Variants in ZNF337 observed in about 807,000 individuals in gnomAD.
The protein encoded by ZNF337 is zinc finger protein 337.
A neutral mutation model predicts 12.1 loss-of-function variants in ZNF337; 8 were observed. That is an observed-to-expected ratio of 0.66 (90% CI 0.39 to 1.19). The LOEUF is 1.19. ZNF337 is among the 50% of genes most tolerant of loss of function. The probability of loss-of-function intolerance (pLI) is 0.01; values close to 1 mark genes in which losing one functional copy is unlikely to be tolerated. For synonymous variants in ZNF337, 336 were observed against 320.0 expected, an observed-to-expected ratio of 1.05 and a Z score of -0.53; for missense variants, 882 against 896.6, an observed-to-expected ratio of 0.98 and a Z score of 0.21.
At chr20:25,695,452 T>C (rs1162834741) in intron 1 of ZNF337, among the ~76,000 whole-genome samples, 1 of 152,242 alleles carries the variant, frequency 6.6e-6, no homozygotes, top group Non-Finnish European at 1.5e-5. Flanking sequence ...CTCAACCAAC[T>C]GTCCACTAAA....
chr20:25,688,547 C>T (rs2065854501), intron 1 of ZNF337, among the ~76,000 whole-genome samples: 1 of 152,182 alleles, frequency 6.6e-6, no homozygotes. Context: ...TGATTGCAGC[C>T]AGGCTGTCAC....
rs1396255176 is a variant in ZNF337, at chr20:25,675,121, T to C, written c.2167A>G (p.Ser723Gly). 1 of 1,614,082 alleles carries C rather than the reference T, an allele frequency of 6.2e-7. No individual in the cohort carries two copies. The highest frequency in any genetic ancestry group is 1.3e-5 in the African/African-American group (1 of 74,916). The part of the protein sequence containing the change: ...YECQECGRKF[S>G]NKSYYSKHLK... ...TGCTTACTGTAGTATGACTTATTGC[T>C]AAACTTTCGTCCACACTCTTGGCAT... The change falls in exon 5 of 5, where the codon AGC (serine) becomes GGC (glycine). Residue 723 changes from serine (S) to glycine (G), a missense_variant. Ser to Gly is a moderately conservative substitution (Grantham distance 56, BLOSUM62 0). Coordinates refer to ENST00000252979, the MANE Select transcript of ZNF337 (RefSeq NM_015655.4).
chr20:25,686,675 G>C, intron 1 of ZNF337: 1 of 553,902 alleles, frequency 1.8e-6, no homozygotes, highest in Admixed American at 3.4e-5. Context: ...CCAGGAGCTG[G>C]GTGACGTTTG....
chr20:25,695,708 A>AT (rs1385231456), intron 1 of ZNF337, among the ~76,000 whole-genome samples: 1 of 151,854 alleles, frequency 6.6e-6, no homozygotes, highest in African/African-American at 2.4e-5. Flanking sequence ...CGCCCCGCTA[A>AT]TTTTTTTATT....
intron 4 of ZNF337, 124 bp from the exon 5 acceptor site, chr20:25,677,161 T>C (rs755071094): frequency 1.9e-4 from 160 of 853,668 alleles, no homozygotes; most frequent in Non-Finnish European, 2.5e-4. Flanking sequence ...CAAACACCAA[T>C]TCTTCTCAAA....
At chr20:25,677,068 C>A in intron 4 of ZNF337, 31 bp from the exon 5 acceptor site, 1 of 1,510,634 alleles carries the variant, frequency 6.6e-7, no homozygotes, top group South Asian at 1.3e-5. Context: ...GAGACTGAAT[C>A]AGTAACGAAA....
chr20:25,677,114 CT>C, intron 4 of ZNF337, 77 bp from the exon 5 acceptor site: 1 of 1,154,750 alleles, frequency 8.7e-7, no homozygotes, highest in Non-Finnish European at 1.2e-6. Context: ...AACCATATTG[CT>C]TTACTGCTTA....
At chr20:25,682,090 G>T (rs1465175792) in intron 4 of ZNF337, among the ~76,000 whole-genome samples, 1 of 152,064 alleles carries the variant, frequency 6.6e-6, no homozygotes, top group Non-Finnish European at 1.5e-5. Flanking sequence ...AATGCTGGAG[G>T]AAAGGAAGTA....
At chr20:25,687,432 C>T (rs6050788) in intron 1 of ZNF337, among the ~76,000 whole-genome samples, 25,933 of 151,706 alleles carry the variant, frequency 0.17, 4,859 homozygotes, top group African/African-American at 0.47. Flanking sequence ...AATGTTTTGA[C>T]TAAAAAAATA....
Position 25,676,384 on chromosome 20 carries a change from T to TA in ZNF337, c.903dup (p.Asn302Ter), listed in dbSNP as rs2065690522. ...TGCTTGTTGTATGAGGACTTATCGT[T>TA]AAACCTTCGCCCACACTCCTGGCAT... On this transcript the variant is annotated frameshift_variant, in exon 5 of 5. Transcript: ENST00000252979. LOFTEE classifies it low-confidence loss of function (END_TRUNC). 6.2e-7 allele frequency: 1 copy of TA among 1,614,048 alleles called. No individual in the cohort carries two copies. The highest frequency in any genetic ancestry group is 1.3e-5 in the African/African-American group (1 of 74,994).
chr20:25,687,192 T>G (rs2122438707), intron 1 of ZNF337, among the ~76,000 whole-genome samples: 1 of 152,298 alleles, frequency 6.6e-6, no homozygotes, highest in African/African-American at 2.4e-5. Flanking sequence ...CATTCATGAG[T>G]GAAAATGATG....
intron 1 of ZNF337, among the ~76,000 whole-genome samples, chr20:25,689,400 A>G (rs575192879): frequency 1.3e-5 from 2 of 152,320 alleles, no homozygotes; most frequent in South Asian, 4.1e-4. Flanking sequence ...GCTAGAATAT[A>G]TCATCCTTTT....
chr20:25,673,356 C>T lies in ZNF337; in HGVS notation c.*1676G>A, dbSNP rs1163367119. ...GATAGGCATATTGCATGTATCTTCC[C>T]TGTGCTGGACAAGGGTTGTGTGCAG... On this transcript the variant is annotated 3_prime_UTR_variant, in exon 5 of 5. Coordinates refer to ENST00000252979, the MANE Select transcript of ZNF337 (RefSeq NM_015655.4). Among the ~76,000 whole-genome samples the T allele has an allele frequency of 6.6e-6, 1 of 152,176 alleles. No individual in the cohort carries two copies. The highest frequency in any genetic ancestry group is 2.4e-5 in the African/African-American group (1 of 41,432).
chr20:25,690,005 G>C (rs1242735600), intron 1 of ZNF337, among the ~76,000 whole-genome samples: 1 of 152,220 alleles, frequency 6.6e-6, no homozygotes, highest in Non-Finnish European at 1.5e-5. Flanking sequence ...AAGGCAGCTG[G>C]CTGGGCACAG....
At chr20:25,689,218 G>C (rs1179215424) in intron 1 of ZNF337, among the ~76,000 whole-genome samples, 1 of 152,022 alleles carries the variant, frequency 6.6e-6, no homozygotes. Flanking sequence ...GCAGGAGAAT[G>C]GTGTGAACGT....
intron 3 of ZNF337, 141 bp downstream of exon 3, chr20:25,685,855 G>C: frequency 3.0e-6 from 4 of 1,340,456 alleles, no homozygotes; most frequent in Non-Finnish European, 4.1e-6. Flanking sequence ...GTGCCCAGTG[G>C]CAGTCAGTAT....
At position 25,673,325 on chromosome 20, in the gene ZNF337, C is replaced by T. The variant is rs1252629914; in HGVS notation, c.*1707G>A. 6.6e-6 allele frequency among the ~76,000 whole-genome samples: 1 copy of T among 152,184 alleles called. No homozygotes were observed. Among genetic ancestry groups the T allele is most frequent in the Admixed American group, 6.5e-5 (1 of 15,278 alleles). ...GGGCAAGCATCACAAATACCATTTA[C>T]AAAAGGATAGGCATATTGCATGTAT... On this transcript the variant is annotated 3_prime_UTR_variant, in exon 5 of 5. Transcript: ENST00000252979.
intron 1 of ZNF337, among the ~76,000 whole-genome samples, chr20:25,689,602 G>A (rs1318923968): frequency 3.3e-5 from 5 of 152,104 alleles, no homozygotes; most frequent in East Asian, 3.9e-4. Flanking sequence ...TGCTTCTTAC[G>A]GTATGCAAGT....
intron 3 of ZNF337, 91 bp from the exon 4 acceptor site, chr20:25,685,753 G>A (rs1472182693): frequency 1.3e-5 from 17 of 1,259,894 alleles, no homozygotes; most frequent in Admixed American, 5.2e-5. Context: ...AAGGGAGGGA[G>A]AATCAGAGGG....
Sources: allele counts gnomAD v4.1 joint callset (sites outside exome capture counted in the v4.1 genomes callset), GRCh38; gene constraint gnomAD v4.1.1; transcripts MANE v1.5; gene names NCBI Gene and HGNC (gene_info 2026-07-23, HGNC 2026-07-21).